The following FTO variants were observed in gnomAD, a reference collection of about 807,000 sequenced individuals.
FTO encodes the protein alpha-ketoglutarate-dependent dioxygenase FTO.
A neutral mutation model predicts 63.9 loss-of-function variants in FTO; 47 were observed. That is an observed-to-expected ratio of 0.74 (90% CI 0.58 to 0.94). FTO has a LOEUF of 0.94. Among genes scored for constraint, FTO ranks in the 40% least tolerant of loss-of-function variants. The pLI, the probability that FTO is intolerant of heterozygous loss-of-function variation, is 0.00. For synonymous variants in FTO, 207 were observed against 224.4 expected, an observed-to-expected ratio of 0.92 and a Z score of 0.69; for missense variants, 562 against 618.1, an observed-to-expected ratio of 0.91 and a Z score of 0.96.
chr16:53,731,100 G>A (rs1045637453), intron 1 of FTO, among the ~76,000 whole-genome samples: 4 of 152,184 alleles, frequency 2.6e-5, no homozygotes, highest in Non-Finnish European at 5.9e-5. Flanking sequence ...AAAGGATCCT[G>A]CATTAGAATG....
At chr16:54,048,126 TA>T (rs71380060) in intron 8 of FTO, among the ~76,000 whole-genome samples, 688 of 56,410 alleles carry the variant, frequency 0.012, 32 homozygotes, top group African/African-American at 0.049. Context: ...AAAAAAAAAT[TA>T]AAAAAAAAAA....
At chr16:53,842,084 G>A (rs1162222671) in intron 3 of FTO, among the ~76,000 whole-genome samples, 1 of 152,182 alleles carries the variant, frequency 6.6e-6, no homozygotes, top group African/African-American at 2.4e-5. Context: ...CAAGGACTGT[G>A]AATGGAGTGA....
chr16:53,908,061 A>C (rs752924088), intron 7 of FTO, among the ~76,000 whole-genome samples: 1 of 152,218 alleles, frequency 6.6e-6, no homozygotes, highest in Non-Finnish European at 1.5e-5. Context: ...ATAATTTGTG[A>C]ATCTTATTAA....
chr16:53,957,180 G>A (rs1388594276), intron 8 of FTO, among the ~76,000 whole-genome samples: 2 of 152,136 alleles, frequency 1.3e-5, no homozygotes, highest in African/African-American at 4.8e-5. Flanking sequence ...TCTGACAGAC[G>A]TGTAAACAGA....
chr16:53,842,814 C>T (rs1490406736), intron 3 of FTO, among the ~76,000 whole-genome samples: 1 of 152,146 alleles, frequency 6.6e-6, no homozygotes, highest in Non-Finnish European at 1.5e-5. Context: ...GCTGGAGCCA[C>T]AGGCACGTGC....
rs375155916 is a variant in FTO at position 53,801,486 on chromosome 16, CT to C, written c.46-8650del. 8.5e-5 allele frequency among the ~76,000 whole-genome samples: 13 copies of C among 152,112 alleles called. No individual in the cohort carries two copies. The East Asian group carries it at 1.5e-3, about 18-fold the overall frequency. On this transcript the variant is annotated intron_variant, in intron 1 of 8. Coordinates refer to ENST00000471389, the MANE Select transcript of FTO (RefSeq NM_001080432.3). Reference sequence around the variant, plus strand: ...CTTTTATAAAGACTTAGTGAGAAGTCTTTTATATTTCCCATATAGTTACCAT... The same window carrying C: ...CTTTTATAAAGACTTAGTGAGAAGTCTTTATATTTCCCATATAGTTACCAT...
At chr16:53,989,707 T>C (rs1184326443) in intron 8 of FTO, among the ~76,000 whole-genome samples, 1 of 152,166 alleles carries the variant, frequency 6.6e-6, no homozygotes, top group African/African-American at 2.4e-5. Flanking sequence ...GTTTACACTG[T>C]GCAGGTCCAC....
At chr16:54,025,519 T>G (rs2084693002) in intron 8 of FTO, among the ~76,000 whole-genome samples, 1 of 151,816 alleles carries the variant, frequency 6.6e-6, no homozygotes, top group Admixed American at 6.6e-5. Flanking sequence ...GGTCAGGAGT[T>G]CAAGACCAGC....
chr16:54,049,141 G>T (rs774668605), intron 8 of FTO, among the ~76,000 whole-genome samples: 2 of 152,148 alleles, frequency 1.3e-5, no homozygotes, highest in Non-Finnish European at 2.9e-5. Flanking sequence ...CAGATGCCAG[G>T]TTATTTGTGA....
chr16:53,880,764 C>T (rs1221484027), intron 6 of FTO, among the ~76,000 whole-genome samples: 1 of 151,970 alleles, frequency 6.6e-6, no homozygotes, highest in African/African-American at 2.4e-5. Flanking sequence ...AAAGCCCCAC[C>T]TCTTAATGCC....
chr16:53,889,034 GT>G, intron 7 of FTO, 83 bp downstream of exon 7: 8 of 1,455,118 alleles, frequency 5.5e-6, no homozygotes, highest in Non-Finnish European at 7.7e-6. Flanking sequence ...TTAGGCAAAT[GT>G]AGATTTAATT....
intron 1 of FTO, among the ~76,000 whole-genome samples, chr16:53,786,837 C>T (rs2077752371): frequency 6.6e-6 from 1 of 152,044 alleles, no homozygotes; most frequent in Middle Eastern, 3.4e-3. Flanking sequence ...TTGGGCTGGG[C>T]GCAGTGGCTC....
At position 54,113,110 on chromosome 16, in the gene FTO, T is replaced by G. The variant is rs550932475; in HGVS notation, c.*1195T>G. On this transcript the variant is annotated 3_prime_UTR_variant, in exon 9 of 9. Transcript: ENST00000471389. ...ACTTAGAACAATTTCCAGCACATAG[T>G]TAAATATCCAGGAAATTCTGGTACT... 1 of 152,330 alleles carries G rather than the reference T, an allele frequency of 6.6e-6. No individual in the cohort carries two copies. Among genetic ancestry groups the G allele is most frequent in the South Asian group, 2.1e-4 (1 of 4,818 alleles). 9.4% of individuals were successfully genotyped at this position (152,330 alleles called of 1,614,324 possible).
intron 8 of FTO, among the ~76,000 whole-genome samples, chr16:54,086,685 C>T (rs1432610870): frequency 2.0e-5 from 3 of 152,184 alleles, no homozygotes; most frequent in African/African-American, 7.2e-5. Context: ...AACCTTTCTT[C>T]ATCAAATATT....
intron 1 of FTO, among the ~76,000 whole-genome samples, chr16:53,735,381 G>A (rs7203521): frequency 0.58 from 88,421 of 152,024 alleles, 26,466 homozygotes; most frequent in African/African-American, 0.64. Flanking sequence ...AGATTAGGAA[G>A]TAGTTTCAGT....
intron 1 of FTO, among the ~76,000 whole-genome samples, chr16:53,709,876 C>T (rs1057069899): frequency 1.3e-5 from 2 of 152,128 alleles, no homozygotes; most frequent in African/African-American, 4.8e-5. Flanking sequence ...CATGGACATT[C>T]TCTTGCATAC....
At position 53,988,801 on chromosome 16, in the gene FTO, T is replaced by TA. The variant is rs2083732181; in HGVS notation, c.1364+54693dup. On this transcript the variant is annotated intron_variant, in intron 8 of 8. Coordinates refer to ENST00000471389, the MANE Select transcript of FTO (RefSeq NM_001080432.3). ...AACCAAGACATAGGTTTGAACCCAT[T>TA]ATGCCTCATCATACCTCATAATACC... is the stretch of plus-strand genomic sequence containing the variant. 3.3e-5 allele frequency among the ~76,000 whole-genome samples: 5 copies of TA among 152,290 alleles called. No homozygotes were observed. In the South Asian group the frequency reaches 1.0e-3, roughly 32 times the overall value.
chr16:53,786,160 A>G, intron 1 of FTO, among the ~76,000 whole-genome samples: 1 of 152,118 alleles, frequency 6.6e-6, no homozygotes, highest in East Asian at 1.9e-4. Flanking sequence ...CTTGTGTGAG[A>G]AAGTTGATAC....
chr16:54,007,174 G>C (rs549255728), intron 8 of FTO, among the ~76,000 whole-genome samples: 10 of 152,324 alleles, frequency 6.6e-5, no homozygotes, highest in South Asian at 4.1e-4. Context: ...AAACAATTCA[G>C]AGTGAAAAAG....
Sources: gnomAD v4.1 joint callset for allele counts (sites outside exome capture counted in the v4.1 genomes callset) on GRCh38, gnomAD v4.1.1 for gene constraint, MANE v1.5 for transcripts, NCBI Gene and HGNC (gene_info 2026-07-23, HGNC 2026-07-21) for gene names.